The following ACAD10 variants were observed in gnomAD, a reference collection of about 807,000 sequenced individuals.
The protein encoded by ACAD10 is ACAD-10.
A neutral mutation model predicts 116.8 loss-of-function variants in ACAD10; 112 were observed. That is an observed-to-expected ratio of 0.96 (90% confidence interval 0.82 to 1.12). The LOEUF is 1.12. Ranked by LOEUF, ACAD10 falls within the 50% of genes most tolerant of loss-of-function variation. ACAD10 has a pLI of 0.00. For synonymous variants in ACAD10, 486 were observed against 510.6 expected (o/e 0.95, Z 0.65); for missense variants, 1,259 against 1,350.2 (o/e 0.93, Z 1.06).
At position 111,737,108 on chromosome 12, in the gene ACAD10, C is replaced by T. The variant is rs1254390625; in HGVS notation, c.1714+104C>T. 5 of 1,091,102 alleles carry T rather than the reference C, an allele frequency of 4.6e-6. No homozygotes were observed. In the East Asian group the frequency reaches 1.3e-4, roughly 28 times the overall value. 67.6% of individuals were successfully genotyped at this position (1,091,102 alleles called of 1,614,324 possible). ...AGGGCCACAGAGGCTTTGGAGAGAC[C>T]GATTTGGCCAGGATTCTCTGAGGTT... On this transcript the variant is annotated intron_variant, in intron 12 of 20. Transcript: ENST00000313698.
Position 111,736,971 on chromosome 12 carries a change from A to G in ACAD10, c.1681A>G (p.Ile561Val). The G allele has an allele frequency of 1.9e-6, 3 of 1,613,766 alleles. No homozygotes were observed. Among genetic ancestry groups the G allele is most frequent in the South Asian group, 1.1e-5 (1 of 91,060 alleles). Reference sequence around the variant, plus strand: ...TTTTTCCTTTTTCCGTGTGGCTGCAATCCTACAGGGAGTCTACAAGCGATC... The same window carrying G: ...TTTTTCCTTTTTCCGTGTGGCTGCAGTCCTACAGGGAGTCTACAAGCGATC... ...MAFSFFRVAA[I>V]LQGVYKRSLT... is the part of the protein sequence containing the mutation. Residue 561 changes from isoleucine to valine, a missense_variant, in exon 12 of 21, where the codon ATC becomes GTC. Ile to Val is a conservative substitution (Grantham distance 29, BLOSUM62 3). Transcript: ENST00000313698.
intron 3 of ACAD10, among the ~76,000 whole-genome samples, chr12:111,703,922 T>TATAA (rs1309287330): frequency 3.3e-5 from 5 of 150,226 alleles, no homozygotes; most frequent in Non-Finnish European, 7.4e-5. Flanking sequence ...TATATATATA[T>TATAA]ATAAACATAT....
chr12:111,748,883 G>C (rs1889990573), intron 17 of ACAD10: 1 of 956,178 alleles, frequency 1.0e-6, no homozygotes, highest in Admixed American at 2.2e-5. Flanking sequence ...TGTTTTCATA[G>C]GATCACTACA....
At chr12:111,711,430 C>T (rs905675777) in intron 5 of ACAD10, among the ~76,000 whole-genome samples, 7 of 151,766 alleles carry the variant, frequency 4.6e-5, no homozygotes, top group Non-Finnish European at 4.4e-5. Flanking sequence ...CTCGATCTCT[C>T]GATCTCCTGA....
chr12:111,704,320 T>C (rs1021399072), intron 3 of ACAD10, among the ~76,000 whole-genome samples: 1 of 151,852 alleles, frequency 6.6e-6, no homozygotes, highest in Non-Finnish European at 1.5e-5. Context: ...TTTTGTATTT[T>C]TAGTAGAGAC....
intron 8 of ACAD10, among the ~76,000 whole-genome samples, chr12:111,724,228 G>A (rs1432490166): frequency 1.6e-5 from 2 of 128,610 alleles, no homozygotes; most frequent in African/African-American, 6.0e-5. Flanking sequence ...ATGTGATGGC[G>A]TCACTTCCTA....
At position 111,723,429 on chromosome 12, in the gene ACAD10, C is replaced by T. The variant is rs551216624; in HGVS notation, c.1061+1690C>T. ...TGGCCGGGCGGGGGGCTGACCCCCC[C>T]GCCTCCCTCCTGGACGGGGCAGCTG... On this transcript the variant is annotated intron_variant, in intron 8 of 20. Transcript: ENST00000313698. Among the ~76,000 whole-genome samples the T allele has an allele frequency of 2.3e-3, 310 of 137,716 alleles. 2 individuals carry two copies. The highest frequency in any genetic ancestry group is 7.4e-3 in the African/African-American group (274 of 37,056). 90.3% of individuals were successfully genotyped at this position (137,716 alleles called of 152,430 possible).
chr12:111,715,857 C>G lies in ACAD10; in HGVS notation c.887C>G (p.Ser296Ter). 1 of 1,614,130 alleles carries G rather than the reference C, an allele frequency of 6.2e-7. No individual in the cohort carries two copies. Among genetic ancestry groups the G allele is most frequent in the Non-Finnish European group, 8.5e-7 (1 of 1,180,030 alleles). Residue 296 changes from serine (S) to a stop codon, truncating the protein, a stop_gained, in exon 7 of 21, where the codon TCA (serine) becomes TGA (stop). Coordinates refer to ENST00000313698, the MANE Select transcript of ACAD10 (RefSeq NM_025247.6). LOFTEE classifies it high-confidence loss of function. ...LELLQFDHGQ[S>*]NPTYYIRLAN... The stretch of plus-strand genomic sequence containing the variant: ...CTACTTCAGTTTGATCACGGGCAGT[C>G]AAATCCAACTTACTACATCAGGCTG...
intron 8 of ACAD10, among the ~76,000 whole-genome samples, chr12:111,723,136 G>A (rs1280577934): frequency 2.0e-5 from 3 of 147,310 alleles, no homozygotes; most frequent in Admixed American, 2.0e-4. Flanking sequence ...GGCTAGCCGG[G>A]CGGGGGGCTG....
intron 3 of ACAD10, among the ~76,000 whole-genome samples, chr12:111,705,215 A>C (rs910661367): frequency 6.6e-6 from 1 of 151,846 alleles, no homozygotes; most frequent in African/African-American, 2.4e-5. Flanking sequence ...AGAATAAAGA[A>C]CTCATTTAAT....
chr12:111,720,437 G>T (rs1454332808), intron 7 of ACAD10, among the ~76,000 whole-genome samples: 1 of 152,010 alleles, frequency 6.6e-6, no homozygotes, highest in East Asian at 1.9e-4. Context: ...CTTTAATTTT[G>T]ATCATTTTTA....
intron 20 of ACAD10, 24 bp downstream of exon 20, chr12:111,755,769 C>T: frequency 6.2e-7 from 1 of 1,609,252 alleles, no homozygotes; most frequent in Non-Finnish European, 8.5e-7. Context: ...AGACAGTTGG[C>T]TTATTTGAAC....
chr12:111,746,391 C>CTTTT, intron 14 of ACAD10, 107 bp downstream of exon 14: 21 of 1,012,722 alleles, frequency 2.1e-5, no homozygotes, highest in East Asian at 3.7e-5. Context: ...TGAACTTGAA[C>CTTTT]TTTTTTTTTT....
intron 17 of ACAD10, chr12:111,748,914 C>T (rs1232644723): frequency 1.7e-6 from 2 of 1,211,444 alleles, no homozygotes; most frequent in South Asian, 1.3e-5. Flanking sequence ...CCACTAGGAG[C>T]TTCAGCTTAA....
At chr12:111,755,259 C>T (rs79060584) in intron 19 of ACAD10, among the ~76,000 whole-genome samples, 2 of 152,230 alleles carry the variant, frequency 1.3e-5, no homozygotes, top group Non-Finnish European at 2.9e-5. Flanking sequence ...TGCACCATCA[C>T]GCCCAGCTAA....
Position 111,746,399 on chromosome 12 carries a change from T to G in ACAD10, c.2256+115T>G. ...ACTGGCATGAACTTGAACTTTTTTT[T>G]TTTTTTGAGATGGAGTCTCGCTCTG... is the stretch of plus-strand genomic sequence containing the variant. On this transcript the variant is annotated intron_variant, in intron 14 of 20. Transcript: ENST00000313698. 3.1e-6 allele frequency: 4 copies of G among 1,287,610 alleles called. No individual in the cohort carries two copies. The South Asian group carries it at 5.4e-5, about 17-fold the overall frequency. 79.8% of individuals were successfully genotyped at this position (1,287,610 alleles called of 1,614,324 possible).
intron 7 of ACAD10, among the ~76,000 whole-genome samples, chr12:111,716,893 A>G (rs1234666496): frequency 6.6e-6 from 1 of 152,162 alleles, no homozygotes; most frequent in East Asian, 1.9e-4. Context: ...CTACTTAAAT[A>G]TACTATAATC....
intron 5 of ACAD10, among the ~76,000 whole-genome samples, chr12:111,710,517 C>T (rs1468695716): frequency 2.0e-5 from 3 of 147,118 alleles, no homozygotes; most frequent in African/African-American, 7.5e-5. Context: ...TTTTTTGAAA[C>T]AGAGTTTCAC....
At chr12:111,686,398 TAG>T (rs1485939611) in intron 1 of ACAD10, 159 bp downstream of exon 1, 4 of 152,444 alleles carry the variant, frequency 2.6e-5, no homozygotes, top group Non-Finnish European at 5.9e-5. Context: ...TAAGGGGCCG[TAG>T]AGAGTGGAGA....
Sources: gnomAD v4.1 joint callset for allele counts (sites outside exome capture counted in the v4.1 genomes callset) on GRCh38, gnomAD v4.1.1 for gene constraint, MANE v1.5 for transcripts, NCBI Gene and HGNC (gene_info 2026-07-23, HGNC 2026-07-21) for gene names.